The following RXFP1 variants were observed in gnomAD, a reference collection of about 807,000 sequenced individuals.
RXFP1 encodes the protein relaxin family peptide receptor 1, also known as relaxin receptor 1.
Under a neutral mutation model 89.8 loss-of-function variants are expected in RXFP1, and 73 were observed. The ratio of observed to expected loss-of-function variants is 0.81; its 90% CI spans 0.67 to 0.99. The LOEUF is 0.99. Ranked by LOEUF, RXFP1 falls within the 50% of genes least tolerant of loss-of-function variation. RXFP1 has a pLI of 0.00. For missense variants in RXFP1, 793 were observed against 895.5 expected (o/e 0.89, Z 1.46); for synonymous variants, 277 against 305.5 (o/e 0.91, Z 0.97).
At chr4:158,610,357 C>T (rs1763351104) in intron 6 of RXFP1, among the ~76,000 whole-genome samples, 1 of 152,054 alleles carries the variant, frequency 6.6e-6, no homozygotes, top group Non-Finnish European at 1.5e-5. Flanking sequence ...TCACAGAGTG[C>T]ACATATTTTA....
chr4:158,592,659 G>T (rs1759731580), intron 2 of RXFP1, among the ~76,000 whole-genome samples: 1 of 152,192 alleles, frequency 6.6e-6, no homozygotes, highest in Admixed American at 6.5e-5. Context: ...ATCAGTTTTA[G>T]AGATTGAAGA....
intron 1 of RXFP1, among the ~76,000 whole-genome samples, chr4:158,552,538 A>C (rs1750374855): frequency 6.6e-6 from 1 of 152,174 alleles, no homozygotes. Context: ...GTCTTGTTTT[A>C]GGCCCTCATT....
At position 158,599,311 on chromosome 4, in the gene RXFP1, T is replaced by C. The variant is rs772947621; in HGVS notation, c.287-15T>C. Reference sequence around the variant, plus strand: ...CCTCACTGTCATCATGCCTTACCACTTCCCCTTGATTCAGTGGTCGGTTCT... The same window carrying C: ...CCTCACTGTCATCATGCCTTACCACCTCCCCTTGATTCAGTGGTCGGTTCT... On this transcript the variant is annotated splice_polypyrimidine_tract_variant and intron_variant, in intron 3 of 17. Transcript: ENST00000307765. 3.1e-6 allele frequency: 5 copies of C among 1,613,726 alleles called. No homozygotes were observed. In the South Asian group the frequency reaches 5.5e-5, roughly 18 times the overall value.
intron 1 of RXFP1, among the ~76,000 whole-genome samples, chr4:158,558,569 G>C (rs1751804396): frequency 6.6e-6 from 1 of 152,130 alleles, no homozygotes; most frequent in Non-Finnish European, 1.5e-5. Context: ...AAATGTTCTT[G>C]GTTGGTGGGG....
At chr4:158,572,885 G>A (rs1231374026) in intron 2 of RXFP1, 50 bp downstream of exon 2, 4 of 1,595,024 alleles carry the variant, frequency 2.5e-6, no homozygotes, top group Middle Eastern at 3.3e-4. Flanking sequence ...AGAAAGGACT[G>A]AAGGTGAAGT....
chr4:158,645,128 T>C lies in RXFP1; in HGVS notation c.1335T>C (p.Ile445=). 1 of 1,610,486 alleles carries C rather than the reference T, an allele frequency of 6.2e-7. No individual in the cohort carries two copies. ...ACAAGCTGTATGCCATGTCAATCAT[T>C]TCTCTCTGCTGTGAGTATTTCCTGG... ...SENKLYAMSI[I]SLCCADCLMG... is the part of the protein sequence containing the mutation. Residue 445 remains isoleucine (I), a synonymous_variant, in exon 15 of 18, where the codon ATT becomes ATC. Coordinates refer to ENST00000307765, the MANE Select transcript of RXFP1 (RefSeq NM_021634.4).
intron 11 of RXFP1, among the ~76,000 whole-genome samples, chr4:158,632,943 G>A (rs1457154639): frequency 1.3e-5 from 2 of 152,110 alleles, no homozygotes; most frequent in African/African-American, 2.4e-5. Flanking sequence ...AGGCTGAGGC[G>A]ATTGGATCAC....
chr4:158,633,655 A>G (rs1768553667), intron 12 of RXFP1, among the ~76,000 whole-genome samples, 179 bp downstream of exon 12: 1 of 152,152 alleles, frequency 6.6e-6, no homozygotes, highest in Non-Finnish European at 1.5e-5. Context: ...ATGTTGCAAA[A>G]CTGAAACTCT....
chr4:158,555,646 A>G (rs745585101), intron 1 of RXFP1, among the ~76,000 whole-genome samples: 8 of 152,216 alleles, frequency 5.3e-5, no homozygotes, highest in Non-Finnish European at 1.2e-4. Context: ...TCATTCTTAG[A>G]AAAAAGATTC....
intron 1 of RXFP1, among the ~76,000 whole-genome samples, chr4:158,561,600 C>T (rs1289958027): frequency 6.6e-6 from 1 of 150,738 alleles, no homozygotes; most frequent in South Asian, 2.1e-4. Flanking sequence ...ATAAGAAATA[C>T]ACAATCTGTA....
intron 17 of RXFP1, among the ~76,000 whole-genome samples, chr4:158,651,091 T>C (rs1772621840): frequency 6.6e-6 from 1 of 152,140 alleles, no homozygotes; most frequent in African/African-American, 2.4e-5. Flanking sequence ...ACCACTGCAC[T>C]CCAGCCTGAG....
chr4:158,592,469 G>A (rs368793998), intron 2 of RXFP1, among the ~76,000 whole-genome samples: 1 of 152,316 alleles, frequency 6.6e-6, no homozygotes, highest in Non-Finnish European at 1.5e-5. Flanking sequence ...AGCTACTCGG[G>A]AGGCTGAGGC....
Position 158,619,453 on chromosome 4 carries a change from G to A in RXFP1, c.755+2248G>A, listed in dbSNP as rs180904521. On this transcript the variant is annotated intron_variant, in intron 9 of 17. Transcript: ENST00000307765. ...AGCACAGGATGAAGAGTTGGCTGGC[G>A]TGAAAGCAGGTACAAAGAAAACTAA... Among the ~76,000 whole-genome samples the A allele has an allele frequency of 5.9e-5, 9 of 152,272 alleles. No homozygotes were observed. The East Asian group carries it at 9.6e-4, about 16-fold the overall frequency.
intron 1 of RXFP1, among the ~76,000 whole-genome samples, chr4:158,553,089 T>G (rs1431919524): frequency 2.0e-5 from 3 of 152,046 alleles, no homozygotes; most frequent in African/African-American, 7.2e-5. Context: ...CTTGGGAGGC[T>G]GGGGTGGGAG....
At chr4:158,625,503 CT>C (rs1053409489) in intron 9 of RXFP1, among the ~76,000 whole-genome samples, 7 of 152,096 alleles carry the variant, frequency 4.6e-5, no homozygotes, top group Non-Finnish European at 8.8e-5. Flanking sequence ...TAGAAAACCC[CT>C]GATATATTCT....
At chr4:158,530,645 A>G (rs893627045) in intron 1 of RXFP1, among the ~76,000 whole-genome samples, 5 of 152,158 alleles carry the variant, frequency 3.3e-5, no homozygotes, top group African/African-American at 1.2e-4. Flanking sequence ...CTTAACCTCC[A>G]TTTAACCTCC....
At chr4:158,612,815 T>A (rs1763821489) in intron 8 of RXFP1, among the ~76,000 whole-genome samples, 3 of 152,098 alleles carry the variant, frequency 2.0e-5, no homozygotes, top group Admixed American at 2.0e-4. Context: ...TTCACCATGT[T>A]GGCCAGGCTG....
At chr4:158,611,422 C>T (rs1222870880) in intron 6 of RXFP1, among the ~76,000 whole-genome samples, 1 of 152,168 alleles carries the variant, frequency 6.6e-6, no homozygotes, top group Non-Finnish European at 1.5e-5. Context: ...GCAAGGGATG[C>T]AATGCCCTTT....
At chr4:158,640,130 T>G (rs1770073317) in intron 14 of RXFP1, among the ~76,000 whole-genome samples, 1 of 152,192 alleles carries the variant, frequency 6.6e-6, no homozygotes, top group African/African-American at 2.4e-5. Flanking sequence ...CTTAAACCTT[T>G]GATATTGGGT....
Sources: allele counts gnomAD v4.1 joint callset (sites outside exome capture counted in the v4.1 genomes callset), GRCh38; gene constraint gnomAD v4.1.1; transcripts MANE v1.5; gene names NCBI Gene and HGNC (gene_info 2026-07-23, HGNC 2026-07-21).